The following MECOM variants were observed in gnomAD, a reference collection of about 807,000 sequenced individuals.
MECOM encodes histone-lysine N-methyltransferase MECOM.
Under a neutral mutation model 116.3 loss-of-function variants are expected in MECOM, and 13 were observed. That is an observed-to-expected ratio of 0.11 (90% CI 0.07 to 0.18). The LOEUF (loss-of-function observed/expected upper bound fraction) is 0.18, where lower values mean the gene tolerates loss of function less well. Ranked by LOEUF, MECOM falls within the 10% of genes least tolerant of loss-of-function variation. The probability of loss-of-function intolerance (pLI) is 1.00; values close to 1 mark genes in which losing one functional copy is unlikely to be tolerated. For synonymous variants in MECOM, 528 were observed against 535.2 expected (o/e 0.99, Z 0.19); for missense variants, 1,299 against 1,509.0 (o/e 0.86, Z 2.31).
intron 3 of MECOM, among the ~76,000 whole-genome samples, chr3:169,139,902 G>T (rs956912704): frequency 6.6e-6 from 1 of 151,440 alleles, no homozygotes; most frequent in Non-Finnish European, 1.5e-5. Context: ...AAAATGGTTT[G>T]TAAAAGTAAG....
chr3:169,490,746 A>G (rs1455609676), intron 1 of MECOM, among the ~76,000 whole-genome samples: 1 of 152,204 alleles, frequency 6.6e-6, no homozygotes, highest in Admixed American at 6.5e-5. Flanking sequence ...GAAGAGTAAC[A>G]GAAAGGAGGG....
chr3:169,159,700 G>T (rs1420282095), intron 2 of MECOM, among the ~76,000 whole-genome samples: 1 of 152,276 alleles, frequency 6.6e-6, no homozygotes, highest in East Asian at 1.9e-4. Flanking sequence ...TGGAGAGATA[G>T]CATAAATCCA....
Position 169,531,924 on chromosome 3 carries a change from G to A in MECOM, c.37+131412C>T, listed in dbSNP as rs1758678631. On this transcript the variant is annotated intron_variant, in intron 1 of 16. Transcript: ENST00000651503. Reference sequence around the variant, plus strand: ...AGAAATAACAAGTTTTAGATCAAAAGGATCTGGGTTCACAATCCTGACTTA... The same window carrying A: ...AGAAATAACAAGTTTTAGATCAAAAAGATCTGGGTTCACAATCCTGACTTA... Among the ~76,000 whole-genome samples the A allele has an allele frequency of 1.3e-5, 2 of 152,180 alleles. 1 individual carries two copies. The highest frequency in any genetic ancestry group is 4.1e-4 in the South Asian group (2 of 4,830).
chr3:169,347,128 G>C (rs1725490435), intron 2 of MECOM, among the ~76,000 whole-genome samples: 5 of 151,936 alleles, frequency 3.3e-5, no homozygotes. Context: ...GGTATACTCA[G>C]TCTATACTAA....
chr3:169,412,285 C>CAAA (rs10687946), intron 1 of MECOM, among the ~76,000 whole-genome samples: 65 of 104,926 alleles, frequency 6.2e-4, no homozygotes, highest in African/African-American at 1.9e-3. Flanking sequence ...GACTCTGTCT[C>CAAA]AAAAAAAAAA....
chr3:169,123,904 G>A (rs192841889), intron 5 of MECOM, among the ~76,000 whole-genome samples: 11 of 152,174 alleles, frequency 7.2e-5, no homozygotes, highest in Admixed American at 1.3e-4. Flanking sequence ...CAAGGAAGAT[G>A]CAGGAAAGCC....
intron 1 of MECOM, among the ~76,000 whole-genome samples, chr3:169,524,770 G>A (rs565170812): frequency 2.0e-5 from 3 of 152,174 alleles, no homozygotes; most frequent in South Asian, 2.1e-4. Context: ...GGAGAGCTTC[G>A]TTTCATTCTG....
chr3:169,151,785 A>T (rs1353523081), intron 2 of MECOM, among the ~76,000 whole-genome samples: 1 of 152,214 alleles, frequency 6.6e-6, no homozygotes, highest in African/African-American at 2.4e-5. Flanking sequence ...AAAGATAAGA[A>T]ATAATGTAAG....
intron 1 of MECOM, 57 bp downstream of exon 1, chr3:169,663,279 A>T: frequency 6.4e-7 from 1 of 1,565,810 alleles, no homozygotes; most frequent in Non-Finnish European, 8.7e-7. Flanking sequence ...CTAGAGACAG[A>T]TATGCAAGAT....
chr3:169,360,157 CTG>C (rs1283625441), intron 2 of MECOM, among the ~76,000 whole-genome samples: 1 of 151,342 alleles, frequency 6.6e-6, no homozygotes, highest in East Asian at 2.0e-4. Context: ...TTCTAATATC[CTG>C]TGAGTTGGGC....
chr3:169,091,275 T>G (rs375983664), intron 14 of MECOM, among the ~76,000 whole-genome samples: 1 of 151,984 alleles, frequency 6.6e-6, no homozygotes, highest in Non-Finnish European at 1.5e-5. Flanking sequence ...GAAAATCTAT[T>G]TGTTAATTAA....
chr3:169,176,258 G>T (rs975981048), intron 2 of MECOM, among the ~76,000 whole-genome samples: 1 of 152,090 alleles, frequency 6.6e-6, no homozygotes, highest in African/African-American at 2.4e-5. Context: ...ATATCAAGAG[G>T]ATCTTACACA....
At chr3:169,501,491 C>G (rs1754517783) in intron 1 of MECOM, among the ~76,000 whole-genome samples, 1 of 151,954 alleles carries the variant, frequency 6.6e-6, no homozygotes, top group African/African-American at 2.4e-5. Context: ...AGAAAAACCT[C>G]TTATTGGAGG....
At chr3:169,220,757 A>C (rs1752037170) in intron 2 of MECOM, among the ~76,000 whole-genome samples, 2 of 152,108 alleles carry the variant, frequency 1.3e-5, no homozygotes, top group African/African-American at 4.8e-5. Context: ...TTACAGGCTT[A>C]AGCCACCGTG....
intron 2 of MECOM, among the ~76,000 whole-genome samples, chr3:169,239,945 C>T (rs1207066352): frequency 6.6e-6 from 1 of 152,196 alleles, no homozygotes; most frequent in South Asian, 2.1e-4. Flanking sequence ...AAGAATTCAA[C>T]TGCTGAAGTT....
At chr3:169,292,609 T>C (rs1714794667) in intron 2 of MECOM, among the ~76,000 whole-genome samples, 1 of 152,094 alleles carries the variant, frequency 6.6e-6, no homozygotes, top group East Asian at 1.9e-4. Flanking sequence ...AACTGAATAT[T>C]AAGGAGGGCC....
At chr3:169,146,633 G>A (rs1740039205) in intron 2 of MECOM, 17 of 1,366,792 alleles carry the variant, frequency 1.2e-5, no homozygotes, top group Non-Finnish European at 1.6e-5. Context: ...GGCGCCCGTA[G>A]AAACGGTGCC....
intron 2 of MECOM, among the ~76,000 whole-genome samples, chr3:169,301,354 G>A (rs1716680971): frequency 6.6e-6 from 1 of 152,198 alleles, no homozygotes; most frequent in Non-Finnish European, 1.5e-5. Context: ...TGTGAAGCAA[G>A]ATGCCACCCA....
intron 2 of MECOM, chr3:169,145,382 T>C (rs1019228152): frequency 7.6e-6 from 2 of 264,344 alleles, no homozygotes; most frequent in Admixed American, 1.0e-4. Context: ...TTTCCCCCCA[T>C]CCCAGATGTT....
Sources: allele counts gnomAD v4.1 joint callset (sites outside exome capture counted in the v4.1 genomes callset), GRCh38; gene constraint gnomAD v4.1.1; transcripts MANE v1.5; gene names NCBI Gene and HGNC (gene_info 2026-07-23, HGNC 2026-07-21).